Variants in SYTL3 observed in about 807,000 individuals in gnomAD.
SYTL3 encodes synaptotagmin-like protein 3.
In SYTL3, 88 loss-of-function variants were observed where a neutral mutation model predicts 82.1. The ratio of observed to expected loss-of-function variants is 1.07; its 90% CI spans 0.90 to 1.28. The LOEUF (loss-of-function observed/expected upper bound fraction) is 1.28. SYTL3 is among the 50% of genes most tolerant of loss of function. The pLI is 0.00. For missense variants in SYTL3, 831 were observed against 757.6 expected (o/e 1.10, Z -1.14); for synonymous variants, 311 against 289.4 (o/e 1.07, Z -0.76).
chr6:158,652,519 G>A (rs528956991), intron 2 of SYTL3, among the ~76,000 whole-genome samples: 5 of 151,994 alleles, frequency 3.3e-5, no homozygotes, highest in African/African-American at 7.2e-5. Flanking sequence ...AAAGTGCTGG[G>A]ATTACAAGCG....
chr6:158,709,635 A>T (rs536842346), intron 8 of SYTL3, among the ~76,000 whole-genome samples: 30 of 152,184 alleles, frequency 2.0e-4, no homozygotes, highest in Admixed American at 5.9e-4. Flanking sequence ...TATTCTATAA[A>T]TTAAAGGGGG....
chr6:158,708,171 G>A (rs893890422), intron 7 of SYTL3, 151 bp from the exon 8 acceptor site: 14 of 710,216 alleles, frequency 2.0e-5, no homozygotes, highest in Admixed American at 4.2e-5. Flanking sequence ...GGTCCAAGCA[G>A]GGCTGCTGGC....
chr6:158,761,499 A>G (rs10434824), intron 15 of SYTL3, among the ~76,000 whole-genome samples: 21,636 of 151,542 alleles, frequency 0.14, 2,205 homozygotes, highest in African/African-American at 0.29. Flanking sequence ...AAGTAGAGAC[A>G]GGGTTTCACC....
At chr6:158,702,360 A>G (rs902385484) in intron 6 of SYTL3, among the ~76,000 whole-genome samples, 2 of 132,370 alleles carry the variant, frequency 1.5e-5, no homozygotes, top group African/African-American at 5.9e-5. Flanking sequence ...TTTTTTTTTT[A>G]TAGGACATAG....
chr6:158,734,526 C>T (rs1785882791), intron 11 of SYTL3, among the ~76,000 whole-genome samples: 1 of 152,158 alleles, frequency 6.6e-6, no homozygotes, highest in African/African-American at 2.4e-5. Flanking sequence ...TGCTGGGACC[C>T]CCAGACACAT....
At chr6:158,754,893 G>T (rs545806894) in intron 13 of SYTL3, among the ~76,000 whole-genome samples, 2 of 152,374 alleles carry the variant, frequency 1.3e-5, no homozygotes, top group East Asian at 3.9e-4. Flanking sequence ...CTGCTAAGTG[G>T]CGTGGCGTTC....
At chr6:158,675,128 A>C (rs374830520) in intron 5 of SYTL3, among the ~76,000 whole-genome samples, 1 of 152,152 alleles carries the variant, frequency 6.6e-6, no homozygotes, top group East Asian at 1.9e-4. Context: ...GGCTACACCT[A>C]TTTTGGATCC....
In SYTL3 at chr6:158,657,971, C is replaced by T. The variant is rs145735074; in HGVS notation, c.-636-3298C>T. ...GCAGTGGCACTATCTCAGCTCACTG[C>T]AAGCTCTGCCTCCCAGGTTCATGCC... On this transcript the variant is annotated intron_variant, in intron 2 of 17. Coordinates refer to ENST00000611299, the MANE Select transcript of SYTL3 (RefSeq NM_001242394.2). Among the ~76,000 whole-genome samples, 436 of 152,016 alleles carry T rather than the reference C, an allele frequency of 2.9e-3. 4 individuals are homozygous for T. The highest frequency in any genetic ancestry group is 0.01 in the African/African-American group (416 of 41,426).
At chr6:158,669,740 G>A (rs1226116517) in intron 5 of SYTL3, among the ~76,000 whole-genome samples, 2 of 152,306 alleles carry the variant, frequency 1.3e-5, no homozygotes, top group African/African-American at 4.8e-5. Flanking sequence ...TTGAGTTATT[G>A]CTGCAGAGCA....
intron 2 of SYTL3, among the ~76,000 whole-genome samples, chr6:158,655,006 G>A (rs767121350): frequency 1.3e-5 from 2 of 152,196 alleles, no homozygotes; most frequent in Non-Finnish European, 2.9e-5. Context: ...CCGAGCAGGT[G>A]AGGACGGTGC....
intron 10 of SYTL3, among the ~76,000 whole-genome samples, chr6:158,723,011 C>T (rs980201889): frequency 1.1e-4 from 16 of 151,310 alleles, no homozygotes; most frequent in Non-Finnish European, 1.9e-4. Flanking sequence ...GGTGATCTGC[C>T]AGCCTCGGCT....
intron 15 of SYTL3, among the ~76,000 whole-genome samples, chr6:158,761,587 C>T (rs1359653502): frequency 4.6e-5 from 7 of 152,106 alleles, no homozygotes; most frequent in Admixed American, 6.5e-5. Context: ...GGATTACAGG[C>T]GTGAGCCACC....
At chr6:158,677,270 G>A (rs182265689) in intron 5 of SYTL3, among the ~76,000 whole-genome samples, 8 of 152,238 alleles carry the variant, frequency 5.3e-5, no homozygotes, top group Admixed American at 4.6e-4. Flanking sequence ...CATGGATGAA[G>A]CTGGAAACCA....
At chr6:158,748,956 C>T (rs1001681562) in intron 12 of SYTL3, among the ~76,000 whole-genome samples, 1 of 151,936 alleles carries the variant, frequency 6.6e-6, no homozygotes, top group Non-Finnish European at 1.5e-5. Flanking sequence ...GCTGGGGGCT[C>T]ATGGCTGCAA....
chr6:158,734,093 T>TTAA (rs1785811206), intron 11 of SYTL3, among the ~76,000 whole-genome samples: 1 of 28,038 alleles, frequency 3.6e-5, no homozygotes, highest in African/African-American at 3.4e-4. Flanking sequence ...AGACCCTGTC[T>TTAA]CAAAAAAAAA....
At chr6:158,706,387 G>A (rs1373407050) in intron 6 of SYTL3, among the ~76,000 whole-genome samples, 2 of 152,168 alleles carry the variant, frequency 1.3e-5, no homozygotes, top group African/African-American at 4.8e-5. Context: ...TACTGTCCGT[G>A]TCCTTCAGTG....
chr6:158,719,306 A>C (rs1779048340), intron 10 of SYTL3, among the ~76,000 whole-genome samples: 1 of 152,182 alleles, frequency 6.6e-6, no homozygotes, highest in Non-Finnish European at 1.5e-5. Flanking sequence ...ATGGAGGTTT[A>C]GATTAAGTCA....
intron 2 of SYTL3, among the ~76,000 whole-genome samples, chr6:158,654,329 G>C (rs943957016): frequency 6.6e-6 from 1 of 152,120 alleles, no homozygotes; most frequent in Non-Finnish European, 1.5e-5. Context: ...TTAGATCCTC[G>C]ATATCTGGCA....
chr6:158,751,453 AC>A (rs1010258347), intron 12 of SYTL3, among the ~76,000 whole-genome samples: 10 of 152,276 alleles, frequency 6.6e-5, no homozygotes, highest in African/African-American at 2.4e-4. Context: ...GCAGAATCCC[AC>A]TTCTCAGCGG....
Sources: allele counts gnomAD v4.1 joint callset (sites outside exome capture counted in the v4.1 genomes callset), GRCh38; gene constraint gnomAD v4.1.1; transcripts MANE v1.5; gene names NCBI Gene and HGNC (gene_info 2026-07-23, HGNC 2026-07-21).